SLIT2: variants seen among roughly 807,000 people sequenced by gnomAD.
SLIT2 encodes the protein slit guidance ligand 2.
A neutral mutation model predicts 185.7 loss-of-function variants in SLIT2; 41 were observed. The ratio of observed to expected loss-of-function variants is 0.22; its 90% CI spans 0.17 to 0.29. The LOEUF (loss-of-function observed/expected upper bound fraction) is 0.29. SLIT2 is among the 10% of genes least tolerant of loss of function. The pLI is 1.00. For missense variants in SLIT2, 1,571 were observed against 1,909.0 expected (o/e 0.82, Z 3.30); for synonymous variants, 693 against 680.2 (o/e 1.02, Z -0.29).
chr4:20,491,124 T>A (rs1444573652), intron 8 of SLIT2, among the ~76,000 whole-genome samples: 1 of 152,232 alleles, frequency 6.6e-6, no homozygotes, highest in Non-Finnish European at 1.5e-5. Context: ...TACCAAAATT[T>A]AAAATTACCC....
chr4:20,440,188 A>G (rs866912550), intron 4 of SLIT2, among the ~76,000 whole-genome samples: 1 of 152,192 alleles, frequency 6.6e-6, no homozygotes, highest in African/African-American at 2.4e-5. Context: ...ATACTTGAAG[A>G]AACATAGTTA....
At chr4:20,381,797 T>C (rs1213057927) in intron 4 of SLIT2, among the ~76,000 whole-genome samples, 3 of 151,802 alleles carry the variant, frequency 2.0e-5, no homozygotes, top group Non-Finnish European at 2.9e-5. Context: ...TTTTAGAAAA[T>C]AGAAAAGGAG....
In SLIT2 at chr4:20,437,982, C is replaced by G. The variant is rs111323352; in HGVS notation, c.396-29770C>G. ...TTGACTCCCCTCTTTACCTCATACC[C>G]CATGCCCAATTCTGAAGCTAGTCCT... is the stretch of plus-strand genomic sequence containing the variant. On this transcript the variant is annotated intron_variant, in intron 4 of 36. Coordinates refer to ENST00000504154, the MANE Select transcript of SLIT2 (RefSeq NM_004787.4). Among the ~76,000 whole-genome samples, 894 of 152,042 alleles carry G rather than the reference C, an allele frequency of 5.9e-3. 4 individuals carry two copies. The highest frequency in any genetic ancestry group is 9.7e-3 in the Non-Finnish European group (658 of 67,988).
At chr4:20,362,880 A>G (rs1359557014) in intron 4 of SLIT2, among the ~76,000 whole-genome samples, 2 of 151,948 alleles carry the variant, frequency 1.3e-5, no homozygotes, top group African/African-American at 4.8e-5. Context: ...TATTTTTCTT[A>G]ATATTAAAAT....
chr4:20,440,532 A>T (rs1729667884), intron 4 of SLIT2, among the ~76,000 whole-genome samples: 1 of 152,186 alleles, frequency 6.6e-6, no homozygotes, highest in Admixed American at 6.5e-5. Context: ...ACGGCCCTAA[A>T]AAAAAAGCAA....
At chr4:20,610,444 T>C (rs1158414051) in intron 34 of SLIT2, among the ~76,000 whole-genome samples, 1 of 152,218 alleles carries the variant, frequency 6.6e-6, no homozygotes, top group African/African-American at 2.4e-5. Flanking sequence ...TGCTAGGTGA[T>C]TTATACATTA....
At chr4:20,500,179 A>T (rs1250363421) in intron 9 of SLIT2, among the ~76,000 whole-genome samples, 1 of 152,234 alleles carries the variant, frequency 6.6e-6, no homozygotes, top group South Asian at 2.1e-4. Flanking sequence ...TGGCAATTTC[A>T]AAGTGCAATT....
intron 4 of SLIT2, among the ~76,000 whole-genome samples, chr4:20,452,262 G>A (rs1712554061): frequency 6.6e-6 from 1 of 152,136 alleles, no homozygotes; most frequent in Admixed American, 6.5e-5. Flanking sequence ...CTGTCTACTG[G>A]CATCTCCCTA....
At chr4:20,393,009 GA>G (rs1725557539) in intron 4 of SLIT2, among the ~76,000 whole-genome samples, 1 of 152,040 alleles carries the variant, frequency 6.6e-6, no homozygotes, top group East Asian at 1.9e-4. Context: ...TTAGGTGCTA[GA>G]TTTTTATATC....
chr4:20,362,484 T>C (rs1450215818), intron 4 of SLIT2, among the ~76,000 whole-genome samples: 1 of 152,102 alleles, frequency 6.6e-6, no homozygotes, highest in Non-Finnish European at 1.5e-5. Context: ...TATGAATTGT[T>C]ACAATTTTGA....
intron 26 of SLIT2, among the ~76,000 whole-genome samples, chr4:20,560,559 C>G (rs1014217463): frequency 6.6e-6 from 1 of 151,900 alleles, no homozygotes; most frequent in Admixed American, 6.6e-5. Flanking sequence ...ATTAAGCAGT[C>G]TGCAATAAAA....
chr4:20,491,262 C>T (rs1717758861), intron 8 of SLIT2, among the ~76,000 whole-genome samples: 1 of 151,934 alleles, frequency 6.6e-6, no homozygotes, highest in Non-Finnish European at 1.5e-5. Flanking sequence ...CTAATTTTTC[C>T]CCACATTTAT....
chr4:20,566,252 AACTACAGAGAAAT>A (rs937243854), intron 26 of SLIT2, among the ~76,000 whole-genome samples: 1 of 152,060 alleles, frequency 6.6e-6, no homozygotes, highest in African/African-American at 2.4e-5. Flanking sequence ...GAAGATAAAG[AACTACAGAGAAAT>A]ACTACAGAGT....
At chr4:20,258,233 G>A (rs1213022296) in intron 3 of SLIT2, among the ~76,000 whole-genome samples, 2 of 151,628 alleles carry the variant, frequency 1.3e-5, no homozygotes, top group African/African-American at 4.8e-5. Context: ...CATTTGATTT[G>A]TTTTATTTGC....
intron 10 of SLIT2, 88 bp from the exon 11 acceptor site, chr4:20,510,978 C>T: frequency 1.2e-6 from 1 of 808,534 alleles, no homozygotes. Context: ...AGTACAAAAC[C>T]AACATTTAAA....
intron 33 of SLIT2, among the ~76,000 whole-genome samples, chr4:20,608,304 C>T (rs111249122): frequency 4.7e-4 from 71 of 152,188 alleles, no homozygotes; most frequent in South Asian, 1.5e-3. Flanking sequence ...TGCAGGACCA[C>T]GATTCGAATC....
chr4:20,553,735 T>TTGTGTGTGTG lies in SLIT2; in HGVS notation c.2562-58_2562-49dup, dbSNP rs3830489. On this transcript the variant is annotated intron_variant, in intron 25 of 36. Transcript: ENST00000504154. The stretch of plus-strand genomic sequence containing the variant: ...TTAGGAAATAACAATACTTCCATAC[T>TTGTGTGTGTG]TGTGTGTGTGTGTGTGTGTGTATGT... The TTGTGTGTGTG allele has an allele frequency of 4.7e-4, 523 of 1,119,670 alleles. 3 individuals carry two copies. In the African/African-American group the frequency reaches 8.1e-3, roughly 17 times the overall value. The allele number at this position is 1,119,670 out of a possible 1,614,324, so 69.4% of individuals were successfully genotyped here.
intron 34 of SLIT2, among the ~76,000 whole-genome samples, chr4:20,611,440 G>T (rs770731452): frequency 1.2e-4 from 19 of 152,190 alleles, no homozygotes; most frequent in Non-Finnish European, 1.9e-4. Context: ...ATATAAAGTT[G>T]AAGAAGAAAT....
rs577567713 is a variant in SLIT2 at position 20,388,205 on chromosome 4, C to A, written c.396-79547C>A. ...CAGTTCTAAAAAACTAAACTGAAAC[C>A]TTGGGCTTCATTAAAATTTAAATCT... On this transcript the variant is annotated intron_variant, in intron 4 of 36. Transcript: ENST00000504154. Among the ~76,000 whole-genome samples the A allele has an allele frequency of 5.7e-4, 87 of 152,122 alleles. No individual in the cohort carries two copies. The South Asian group carries it at 0.015, about 25-fold the overall frequency.
Sources: allele counts gnomAD v4.1 joint callset (sites outside exome capture counted in the v4.1 genomes callset), GRCh38; gene constraint gnomAD v4.1.1; transcripts MANE v1.5; gene names NCBI Gene and HGNC (gene_info 2026-07-23, HGNC 2026-07-21).